ZNF717: variants seen among roughly 807,000 people sequenced by gnomAD.
ZNF717 encodes the protein zinc finger protein 717.
A neutral mutation model predicts 13.8 loss-of-function variants in ZNF717; 9 were observed. The ratio of observed to expected loss-of-function variants is 0.65; its 90% CI spans 0.39 to 1.14. The LOEUF (loss-of-function observed/expected upper bound fraction) is 1.14. ZNF717 is among the 50% of genes most tolerant of loss of function. ZNF717 has a pLI of 0.01. For missense variants in ZNF717, 1,040 were observed against 1,080.7 expected (o/e 0.96, Z 0.53); for synonymous variants, 327 against 364.1 (o/e 0.90, Z 1.16).
chr3:75,784,492 T>G (rs1945030487), intron 1 of ZNF717, among the ~76,000 whole-genome samples: 1 of 152,212 alleles, frequency 6.6e-6, no homozygotes, highest in South Asian at 2.1e-4. Flanking sequence ...CTAGGTTTAA[T>G]ATATCTCAAA....
At chr3:75,725,055 G>C (rs1938250275), downstream of ZNF717, among the ~76,000 whole-genome samples, 1 of 151,790 alleles carries the variant, frequency 6.6e-6, no homozygotes, top group Non-Finnish European at 1.5e-5. Flanking sequence ...GTTCCCATCA[G>C]CCTGCACTCC....
chr3:75,731,699 G>T (rs1338305055), downstream of ZNF717, among the ~76,000 whole-genome samples: 1 of 152,184 alleles, frequency 6.6e-6, no homozygotes, highest in Non-Finnish European at 1.5e-5. Context: ...GATCCCTTGA[G>T]TCCAGGAGTT....
Position 75,737,952 on chromosome 3 carries a change from G to A in ZNF717, c.1671C>T (p.His557=). 1.9e-6 allele frequency: 3 copies of A among 1,555,138 alleles called. No individual in the cohort carries two copies. Among genetic ancestry groups the A allele is most frequent in the Non-Finnish European group, 1.7e-6 (2 of 1,149,298 alleles). ...TACATTCATAGGGTTTTTCCCCTGTGTGAGTTCTGTGATGTACTGTAAGGT... is the reference window on the plus strand; with the variant it reads ...TACATTCATAGGGTTTTTCCCCTGTATGAGTTCTGTGATGTACTGTAAGGT... ...KSYLTVHHRT[H]TGEKPYECNE... The change falls in exon 5 of 5, where the codon CAC becomes CAT. Residue 557 remains histidine (H), a synonymous_variant. Transcript: ENST00000652011.
intron 4 of ZNF717, among the ~76,000 whole-genome samples, chr3:75,719,227 T>A (rs1938122215): frequency 6.7e-6 from 1 of 149,782 alleles, no homozygotes; most frequent in African/African-American, 2.5e-5. Flanking sequence ...CTCAGGAAGT[T>A]GAGGCTGCAG....
intron 2 of ZNF717, among the ~76,000 whole-genome samples, chr3:75,782,672 G>C (rs1360184519): frequency 6.6e-6 from 1 of 152,050 alleles, no homozygotes; most frequent in Non-Finnish European, 1.5e-5. Context: ...CTGTGCTTTA[G>C]CGGCAGATGA....
At chr3:75,752,881 G>A (rs1455053995) in intron 2 of ZNF717, among the ~76,000 whole-genome samples, 3 of 146,848 alleles carry the variant, frequency 2.0e-5, no homozygotes, top group African/African-American at 7.5e-5. Flanking sequence ...CTGAAAGTTT[G>A]TCCCTCACAT....
chr3:75,748,129 C>G (rs778767493), intron 2 of ZNF717, among the ~76,000 whole-genome samples: 5 of 152,126 alleles, frequency 3.3e-5, no homozygotes, highest in African/African-American at 1.2e-4. Flanking sequence ...TAAACCCTTC[C>G]AAGACTAAAC....
chr3:75,715,062 AATGTAAAAC>A (rs1465003857), intron 5 of ZNF717, among the ~76,000 whole-genome samples: 3 of 152,222 alleles, frequency 2.0e-5, no homozygotes, highest in Non-Finnish European at 4.4e-5. Flanking sequence ...TTTTTGGCAA[AATGTAAAAC>A]ATGGCTAAAA....
chr3:75,754,790 C>G (rs1438741944), intron 2 of ZNF717, among the ~76,000 whole-genome samples: 2 of 152,160 alleles, frequency 1.3e-5, no homozygotes, highest in African/African-American at 4.8e-5. Context: ...ACAACCATGT[C>G]TGAGAACTTC....
chr3:75,695,831 T>A (rs1426127766), intron 6 of ZNF717, among the ~76,000 whole-genome samples: 2 of 152,294 alleles, frequency 1.3e-5, no homozygotes, highest in African/African-American at 4.8e-5. Flanking sequence ...GAGGTACTAT[T>A]ATAAAAGGAA....
chr3:75,751,298 G>A (rs1031115722), intron 2 of ZNF717, among the ~76,000 whole-genome samples: 1 of 149,958 alleles, frequency 6.7e-6, no homozygotes, highest in East Asian at 2.0e-4. Flanking sequence ...GAACACTGCT[G>A]CTGGGGTCTG....
intron 2 of ZNF717, among the ~76,000 whole-genome samples, chr3:75,779,119 T>C (rs1306847074): frequency 1.3e-5 from 2 of 149,906 alleles, no homozygotes; most frequent in Non-Finnish European, 3.0e-5. Context: ...GGGATTGACG[T>C]GCTAAAACCA....
rs111498970 is a variant in ZNF717, at chr3:75,752,533, C to T, written c.58-10797G>A. Among the ~76,000 whole-genome samples the T allele has an allele frequency of 8.2e-3, 1,131 of 138,368 alleles. 22 individuals carry two copies. Among genetic ancestry groups the T allele is most frequent in the African/African-American group, 0.027 (1,022 of 37,844 alleles). The allele number at this position is 138,368 out of a possible 152,430, so 90.8% of individuals were successfully genotyped here. A position where few individuals can be genotyped will look rare whatever the true frequency, so the allele number is the denominator to read the frequency against. ...CACATGGGATTCCAGAACACTGCTACGAGGGTCTGAATGTCCCTCACATAG... is the reference window on the plus strand; with the variant it reads ...CACATGGGATTCCAGAACACTGCTATGAGGGTCTGAATGTCCCTCACATAG... On this transcript the variant is annotated intron_variant, in intron 2 of 4. Coordinates refer to ENST00000652011, the MANE Select transcript of ZNF717 (RefSeq NM_001290208.3).
At position 75,770,040 on chromosome 3, in the gene ZNF717, C is replaced by T. The variant is rs141037366; in HGVS notation, c.57+13266G>A. Among the ~76,000 whole-genome samples, 896 of 152,278 alleles carry T rather than the reference C, an allele frequency of 5.9e-3. 10 individuals carry two copies. Among genetic ancestry groups the T allele is most frequent in the African/African-American group, 0.021 (869 of 41,548 alleles). ...TATTTCTTTATTGGCCCTTGTCAAA[C>T]GTGTCCCACTAACTCCTGAATGCTT... On this transcript the variant is annotated intron_variant, in intron 2 of 4. Transcript: ENST00000652011.
At chr3:75,707,585 A>G (rs1937831931), downstream of ZNF717, among the ~76,000 whole-genome samples, 2 of 152,270 alleles carry the variant, frequency 1.3e-5, no homozygotes, top group African/African-American at 4.8e-5. Flanking sequence ...CTCACTAGGG[A>G]GTGCCAGACA....
intron 3 of ZNF717, 69 bp downstream of exon 3, chr3:75,741,541 C>T: frequency 6.6e-7 from 1 of 1,523,176 alleles, no homozygotes; most frequent in Non-Finnish European, 8.9e-7. Flanking sequence ...ATTATTATAC[C>T]TTAAAAGGGT....
chr3:75,718,260 T>A (rs1169653934), intron 4 of ZNF717, among the ~76,000 whole-genome samples: 4 of 152,094 alleles, frequency 2.6e-5, no homozygotes, highest in African/African-American at 7.2e-5. Context: ...GAGAAGGGGA[T>A]ACACAACCTT....
chr3:75,735,874 T>C lies in ZNF717; in HGVS notation c.*1004A>G, dbSNP rs1351563814. Reference sequence around the variant, plus strand: ...ATCAAAATAGAGGCACATCTCACTTTGAGCTTCACTTTATTTTGCTTGGCA... The same window carrying C: ...ATCAAAATAGAGGCACATCTCACTTCGAGCTTCACTTTATTTTGCTTGGCA... On this transcript the variant is annotated 3_prime_UTR_variant, in exon 5 of 5. Transcript: ENST00000652011. 1.5e-5 allele frequency: 2 copies of C among 129,320 alleles called. No homozygotes were observed. Among genetic ancestry groups the C allele is most frequent in the African/African-American group, 5.6e-5 (2 of 36,034 alleles). The allele number at this position is 129,320 out of a possible 1,614,324, so 8.0% of individuals were successfully genotyped here.
intron 2 of ZNF717, among the ~76,000 whole-genome samples, chr3:75,742,339 A>AAAAAAG (rs751643617): frequency 0.058 from 7,868 of 136,542 alleles, 377 homozygotes; most frequent in African/African-American, 0.12. Context: ...AAAAAAAAAA[A>AAAAAAG]GAATAAAATT....
Sources: allele counts gnomAD v4.1 joint callset (sites outside exome capture counted in the v4.1 genomes callset), GRCh38; gene constraint gnomAD v4.1.1; transcripts MANE v1.5; gene names NCBI Gene and HGNC (gene_info 2026-07-23, HGNC 2026-07-21).